Variants in PKHD1 observed in about 807,000 individuals in gnomAD.
PKHD1 encodes the protein fibrocystin.
In PKHD1, 291 loss-of-function variants were observed where a neutral mutation model predicts 412.0. That is an observed-to-expected ratio of 0.71 (90% confidence interval 0.64 to 0.78). The LOEUF (loss-of-function observed/expected upper bound fraction) is 0.78. Ranked by LOEUF, PKHD1 falls within the 30% of genes least tolerant of loss-of-function variation. PKHD1 has a pLI of 0.00. For missense variants in PKHD1, 4,825 were observed against 4,950.7 expected, an observed-to-expected ratio of 0.97 and a Z score of 0.76; for synonymous variants, 1,777 against 1,821.5, an observed-to-expected ratio of 0.98 and a Z score of 0.62.
At chr6:51,731,694 T>C (rs1286866080) in intron 60 of PKHD1, among the ~76,000 whole-genome samples, 1 of 152,204 alleles carries the variant, frequency 6.6e-6, no homozygotes, top group Non-Finnish European at 1.5e-5. Flanking sequence ...TAGAGTCTAC[T>C]ACATGGCTTA....
intron 61 of PKHD1, among the ~76,000 whole-genome samples, chr6:51,653,457 T>A (rs1262369681): frequency 6.6e-6 from 1 of 152,138 alleles, no homozygotes; most frequent in East Asian, 1.9e-4. Flanking sequence ...GTACCTACTA[T>A]GCATCCCCTC....
intron 62 of PKHD1, among the ~76,000 whole-genome samples, 159 bp downstream of exon 62, chr6:51,648,926 G>C (rs1275566164): frequency 6.6e-6 from 1 of 152,174 alleles, no homozygotes; most frequent in Non-Finnish European, 1.5e-5. Flanking sequence ...CTGTGAAGTG[G>C]AAGGAAAATG....
At chr6:51,910,273 T>C (rs376346379) in intron 39 of PKHD1, among the ~76,000 whole-genome samples, 76 of 152,262 alleles carry the variant, frequency 5.0e-4, no homozygotes, top group African/African-American at 1.8e-3. Context: ...ATCTCTCCAA[T>C]GGATAATAAA....
chr6:51,886,953 A>T (rs1256920852), intron 44 of PKHD1, among the ~76,000 whole-genome samples, 180 bp downstream of exon 44: 1 of 152,218 alleles, frequency 6.6e-6, no homozygotes, highest in East Asian at 1.9e-4. Context: ...CAAGTTGCAT[A>T]CATTAAATAT....
At chr6:51,677,973 C>T (rs1013404360) in intron 60 of PKHD1, among the ~76,000 whole-genome samples, 2 of 152,058 alleles carry the variant, frequency 1.3e-5, no homozygotes, top group African/African-American at 4.8e-5. Context: ...CTATACATTG[C>T]TTGAAAAAGT....
intron 22 of PKHD1, among the ~76,000 whole-genome samples, chr6:52,049,073 A>G: frequency 1.3e-5 from 2 of 152,230 alleles, no homozygotes; most frequent in East Asian, 3.8e-4. Context: ...AGATGAGAGA[A>G]AGAAACCTAT....
chr6:51,788,162 T>C (rs1370155158), intron 53 of PKHD1, among the ~76,000 whole-genome samples: 1 of 152,122 alleles, frequency 6.6e-6, no homozygotes, highest in African/African-American at 2.4e-5. Context: ...TGTAGAGATA[T>C]GTATTTGTGG....
chr6:51,647,861 T>C (rs1236885236), intron 63 of PKHD1, among the ~76,000 whole-genome samples, 170 bp downstream of exon 63: 1 of 152,222 alleles, frequency 6.6e-6, no homozygotes, highest in Non-Finnish European at 1.5e-5. Context: ...CAGCCTAATC[T>C]TCCTTTTCAC....
chr6:51,820,947 C>T (rs1290184306), intron 52 of PKHD1, among the ~76,000 whole-genome samples: 2 of 152,062 alleles, frequency 1.3e-5, no homozygotes, highest in Admixed American at 6.6e-5. Flanking sequence ...GGAAAACAGA[C>T]CATAAAGAGA....
intron 33 of PKHD1, among the ~76,000 whole-genome samples, chr6:52,022,537 T>G (rs1801548533): frequency 6.6e-6 from 1 of 152,176 alleles, no homozygotes; most frequent in Admixed American, 6.5e-5. Flanking sequence ...ATCCTAAGAC[T>G]GCAGTTAAGA....
At chr6:51,742,009 T>C (rs1053696332) in intron 60 of PKHD1, among the ~76,000 whole-genome samples, 2 of 152,226 alleles carry the variant, frequency 1.3e-5, no homozygotes, top group African/African-American at 4.8e-5. Context: ...ATAGCATAAA[T>C]ACCTGTAATG....
At chr6:51,690,398 G>A (rs1233421004) in intron 60 of PKHD1, among the ~76,000 whole-genome samples, 1 of 151,920 alleles carries the variant, frequency 6.6e-6, no homozygotes, top group Non-Finnish European at 1.5e-5. Context: ...GAGGTATCAT[G>A]CTATCCAACT....
intron 55 of PKHD1, among the ~76,000 whole-genome samples, chr6:51,769,223 A>C (rs1327845940): frequency 6.6e-6 from 1 of 151,482 alleles, no homozygotes; most frequent in Non-Finnish European, 1.5e-5. Context: ...AGATTATATA[A>C]CATAGGAATT....
At chr6:51,632,058 C>T (rs1440126234) in intron 65 of PKHD1, among the ~76,000 whole-genome samples, 1 of 151,762 alleles carries the variant, frequency 6.6e-6, no homozygotes, top group Non-Finnish European at 1.5e-5. Context: ...ATTCTCCTGC[C>T]TCAGCCTCCC....
At chr6:51,936,991 GCTAA>G (rs1469800318) in intron 36 of PKHD1, among the ~76,000 whole-genome samples, 1 of 152,164 alleles carries the variant, frequency 6.6e-6, no homozygotes, top group Non-Finnish European at 1.5e-5. Flanking sequence ...CTAGGAGAGT[GCTAA>G]CTAAGAGTCT....
Position 51,803,185 on chromosome 6 carries a change from G to A in PKHD1, c.8303-11812C>T, listed in dbSNP as rs943674125. ...AAAGTACAAAATAACTTCTGTAGAAGTTGTCATTGTTCTCAATATTTTTAT... is the reference window on the plus strand; with the variant it reads ...AAAGTACAAAATAACTTCTGTAGAAATTGTCATTGTTCTCAATATTTTTAT... On this transcript the variant is annotated intron_variant, in intron 52 of 66. Transcript: ENST00000371117. Among the ~76,000 whole-genome samples, 11 of 151,328 alleles carry A rather than the reference G, an allele frequency of 7.3e-5. 1 individual carries two copies. The highest frequency in any genetic ancestry group is 2.7e-4 in the African/African-American group (11 of 40,770).
At position 52,053,224 on chromosome 6, in the gene PKHD1, C is replaced by T. The variant is rs2128203862; in HGVS notation, c.1992G>A (p.Trp664Ter). 2 of 1,614,174 alleles carry T rather than the reference C, an allele frequency of 1.2e-6. No individual in the cohort carries two copies. Among genetic ancestry groups the T allele is most frequent in the Non-Finnish European group, 1.7e-6 (2 of 1,180,028 alleles). Residue 664 changes from tryptophan (W) to a stop codon, truncating the protein, a stop_gained, in exon 21 of 67, where the codon TGG (tryptophan) becomes TGA (stop). Transcript: ENST00000371117. LOFTEE classifies it high-confidence loss of function. The stretch of plus-strand genomic sequence containing the variant: ...CCCCGAAGCAACGCACACAAGTCTC[C>T]CAGAGGTCAGTGCAATCGAACTGCC... ...ESWQFDCTDL[W>*]ETCVRCFGDL...
intron 60 of PKHD1, among the ~76,000 whole-genome samples, chr6:51,684,986 C>CA (rs1456870658): frequency 6.6e-6 from 1 of 152,046 alleles, no homozygotes; most frequent in Non-Finnish European, 1.5e-5. Flanking sequence ...AGAGCATATC[C>CA]ATCATTGGGA....
At position 51,941,054 on chromosome 6, in the gene PKHD1, T is replaced by TC. The variant is rs200614652; in HGVS notation, c.5909-6733dup. On this transcript the variant is annotated intron_variant, in intron 36 of 66. Coordinates refer to ENST00000371117, the MANE Select transcript of PKHD1 (RefSeq NM_138694.4). ...GCCTCCTTCGCATCCTCCTCTTGTA[T>TC]CCCCCCCCACCTTAACCCACAAATA... Among the ~76,000 whole-genome samples the TC allele has an allele frequency of 2.6e-4, 39 of 149,254 alleles. 1 individual carries two copies. The highest frequency in any genetic ancestry group is 4.6e-4 in the Non-Finnish European group (31 of 67,022).
Sources: allele counts gnomAD v4.1 joint callset (sites outside exome capture counted in the v4.1 genomes callset), GRCh38; gene constraint gnomAD v4.1.1; transcripts MANE v1.5; gene names NCBI Gene and HGNC (gene_info 2026-07-23, HGNC 2026-07-21).